Variants in COP1 observed in about 807,000 individuals in gnomAD.
COP1 encodes the protein E3 ubiquitin-protein ligase COP1.
COP1 carries 24 observed loss-of-function variants against 101.3 expected under a neutral mutation model. The ratio of observed to expected loss-of-function variants is 0.24; its 90% CI spans 0.17 to 0.33. The LOEUF (loss-of-function observed/expected upper bound fraction) is 0.33. Ranked by LOEUF, COP1 falls within the 10% of genes least tolerant of loss-of-function variation. The pLI, the probability that COP1 is intolerant of heterozygous loss-of-function variation, is 1.00. For synonymous variants in COP1, 347 were observed against 341.9 expected, an observed-to-expected ratio of 1.01 and a Z score of -0.17; for missense variants, 663 against 906.2, an observed-to-expected ratio of 0.73 and a Z score of 3.45.
chr1:176,007,621 C>T (rs1571622212), intron 15 of COP1, among the ~76,000 whole-genome samples: 4 of 151,910 alleles, frequency 2.6e-5, no homozygotes, highest in African/African-American at 9.7e-5. Flanking sequence ...TGTCAGTGTG[C>T]CCCTGCTGGG....
At chr1:176,156,308 A>G (rs766398908) in intron 5 of COP1, among the ~76,000 whole-genome samples, 4 of 152,100 alleles carry the variant, frequency 2.6e-5, no homozygotes, top group Non-Finnish European at 4.4e-5. Context: ...AAGTACATGA[A>G]AAATAGAGAA....
At position 176,206,718 on chromosome 1, in the gene COP1, G is replaced by A. The variant is rs1480426798; in HGVS notation, c.261C>T (p.Ser87=). ...SGGGAVSTGL[S]RHSCAARPSA... ...TGGGCCTGGCCGCGCAGCTGTGCCG[G>A]GACAGGCCCGTGGACACCGCCCCGC... Residue 87 remains serine (S), a synonymous_variant, in exon 1 of 20, where the codon TCC becomes TCT. Coordinates refer to ENST00000367669, the MANE Select transcript of COP1 (RefSeq NM_022457.7). 1 of 1,591,864 alleles carries A rather than the reference G, an allele frequency of 6.3e-7. No individual in the cohort carries two copies. Among genetic ancestry groups the A allele is most frequent in the Non-Finnish European group, 8.5e-7 (1 of 1,175,074 alleles).
intron 15 of COP1, among the ~76,000 whole-genome samples, chr1:175,992,396 A>T (rs1658786450): frequency 6.6e-6 from 1 of 152,204 alleles, no homozygotes; most frequent in Admixed American, 6.5e-5. Context: ...CAGTGGGTGC[A>T]GGAGAGTGGG....
chr1:176,131,466 A>T (rs993851362), intron 8 of COP1, among the ~76,000 whole-genome samples: 1 of 151,910 alleles, frequency 6.6e-6, no homozygotes, highest in Admixed American at 6.6e-5. Flanking sequence ...TAAACCCAGA[A>T]TCTATGTAAA....
intron 1 of COP1, among the ~76,000 whole-genome samples, chr1:176,195,299 G>A (rs189055367): frequency 1.3e-5 from 2 of 152,256 alleles, no homozygotes; most frequent in East Asian, 3.9e-4. Context: ...ATTCACCAAC[G>A]CTAAATCTGT....
chr1:176,198,224 G>C (rs1043112700), intron 1 of COP1, among the ~76,000 whole-genome samples: 1 of 152,162 alleles, frequency 6.6e-6, no homozygotes, highest in East Asian at 1.9e-4. Context: ...TACACTACCT[G>C]ATTTCAAGAT....
At chr1:176,170,240 C>T (rs1011619525) in intron 3 of COP1, among the ~76,000 whole-genome samples, 2 of 152,198 alleles carry the variant, frequency 1.3e-5, no homozygotes, top group African/African-American at 4.8e-5. Flanking sequence ...ATTTTGACCT[C>T]CTCCCATGAA....
At chr1:176,019,060 G>A (rs1160213242) in intron 15 of COP1, among the ~76,000 whole-genome samples, 1 of 152,094 alleles carries the variant, frequency 6.6e-6, no homozygotes, top group Non-Finnish European at 1.5e-5. Context: ...CAGCTACTTG[G>A]AAGGCTGAGG....
At chr1:176,085,098 C>A (rs1402212880) in intron 10 of COP1, among the ~76,000 whole-genome samples, 1 of 152,072 alleles carries the variant, frequency 6.6e-6, no homozygotes, top group Non-Finnish European at 1.5e-5. Flanking sequence ...ATATCATATG[C>A]TATCACATCC....
chr1:175,949,583 C>T (rs528059808), intron 18 of COP1, among the ~76,000 whole-genome samples: 2 of 152,244 alleles, frequency 1.3e-5, no homozygotes, highest in African/African-American at 4.8e-5. Context: ...AAACATCATC[C>T]AGAAAAGCAG....
intron 3 of COP1, among the ~76,000 whole-genome samples, chr1:176,175,198 G>A (rs938089351): frequency 2.0e-5 from 3 of 152,046 alleles, no homozygotes; most frequent in Non-Finnish European, 4.4e-5. Flanking sequence ...ACAAACCTGA[G>A]TTCCCGAGAC....
At chr1:176,105,004 C>T (rs1337180594) in intron 9 of COP1, among the ~76,000 whole-genome samples, 1 of 152,010 alleles carries the variant, frequency 6.6e-6, no homozygotes, top group East Asian at 1.9e-4. Context: ...AGTTACCTTC[C>T]TCATAAATTG....
intron 9 of COP1, among the ~76,000 whole-genome samples, chr1:176,104,465 C>T (rs1490252691): frequency 6.6e-6 from 1 of 151,924 alleles, no homozygotes; most frequent in Non-Finnish European, 1.5e-5. Flanking sequence ...AAGTCAAGCA[C>T]CTAATAGAAG....
At chr1:176,146,265 G>A (rs1691574162) in intron 6 of COP1, among the ~76,000 whole-genome samples, 1 of 152,098 alleles carries the variant, frequency 6.6e-6, no homozygotes, top group African/African-American at 2.4e-5. Flanking sequence ...GACCATGAAG[G>A]AAGACTAACA....
chr1:175,988,461 G>A lies in COP1; in HGVS notation c.1848-49C>T, dbSNP rs146618166. ...GAACTTACTTAAAATTTCTTGGCAC[G>A]AAACTCATCACTACTAATTAGAGGC... On this transcript the variant is annotated intron_variant, in intron 16 of 19. Transcript: ENST00000367669. 7.3e-5 allele frequency: 111 copies of A among 1,518,210 alleles called. No homozygotes were observed. In the African/African-American group the frequency reaches 1.0e-3, roughly 14 times the overall value. The allele number at this position is 1,518,210 out of a possible 1,614,324, so 94.0% of individuals were successfully genotyped here. A position where few individuals can be genotyped will look rare whatever the true frequency, so the allele number is the denominator to read the frequency against.
chr1:176,039,406 G>A (rs923673761), intron 14 of COP1, among the ~76,000 whole-genome samples: 2 of 151,472 alleles, frequency 1.3e-5, no homozygotes, highest in African/African-American at 2.4e-5. Context: ...GAAAATAAGA[G>A]CAAGTTAAAT....
chr1:176,044,321 T>C (rs1671127618), intron 12 of COP1, among the ~76,000 whole-genome samples: 1 of 152,348 alleles, frequency 6.6e-6, no homozygotes, highest in Non-Finnish European at 1.5e-5. Flanking sequence ...TAAAAGCATC[T>C]AAAAGTTAGA....
At chr1:176,163,165 C>A (rs1345039939) in intron 4 of COP1, among the ~76,000 whole-genome samples, 177 bp from the exon 5 acceptor site, 1 of 152,172 alleles carries the variant, frequency 6.6e-6, no homozygotes, top group Non-Finnish European at 1.5e-5. Flanking sequence ...ACAGTTATAA[C>A]TTAAACACTA....
intron 19 of COP1, 138 bp from the exon 20 acceptor site, chr1:175,945,308 G>T: frequency 1.6e-6 from 1 of 621,784 alleles, no homozygotes; most frequent in Non-Finnish European, 2.8e-6. Flanking sequence ...CAAAGAATTT[G>T]AATGGATTGG....
Sources: gnomAD v4.1 joint callset for allele counts (sites outside exome capture counted in the v4.1 genomes callset) on GRCh38, gnomAD v4.1.1 for gene constraint, MANE v1.5 for transcripts, NCBI Gene and HGNC (gene_info 2026-07-23, HGNC 2026-07-21) for gene names.